The following ROPN1L variants were observed in gnomAD, a reference collection of about 807,000 sequenced individuals.
ROPN1L encodes the protein ropporin-1-like protein.
Under a neutral mutation model 22.7 loss-of-function variants are expected in ROPN1L, and 23 were observed. That is an observed-to-expected ratio of 1.01 (90% CI 0.73 to 1.43). ROPN1L has a LOEUF of 1.43. ROPN1L is among the 40% of genes most tolerant of loss of function. ROPN1L has a pLI of 0.00. For missense variants in ROPN1L, 271 were observed against 291.5 expected (o/e 0.93, Z 0.51); for synonymous variants, 116 against 117.8 (o/e 0.98, Z 0.10).
chr5:10,444,685 G>A (rs1183283584), intron 1 of ROPN1L, among the ~76,000 whole-genome samples: 2 of 150,582 alleles, frequency 1.3e-5, no homozygotes, highest in South Asian at 2.1e-4. Context: ...AATCACCTGA[G>A]GTCAGGAGTT....
At chr5:10,449,862 G>T (rs142163895) in intron 2 of ROPN1L, 90 bp from the exon 3 acceptor site, 3 of 1,120,772 alleles carry the variant, frequency 2.7e-6, no homozygotes, top group African/African-American at 1.6e-5. Context: ...CATGGGGCGG[G>T]TTACTTGGTG....
intron 4 of ROPN1L, among the ~76,000 whole-genome samples, chr5:10,462,016 G>GTT (rs530907041): frequency 1.4e-3 from 220 of 152,164 alleles, no homozygotes; most frequent in African/African-American, 5.1e-3. Context: ...TCCTTTTAGG[G>GTT]TTTCTTTTTC....
chr5:10,460,407 A>C (rs1734996982), intron 3 of ROPN1L, among the ~76,000 whole-genome samples: 1 of 152,172 alleles, frequency 6.6e-6, no homozygotes, highest in African/African-American at 2.4e-5. Context: ...CATGAAGACG[A>C]CCTTGGCCTG....
chr5:10,470,007 G>A (rs552667790), downstream of ROPN1L, among the ~76,000 whole-genome samples: 1 of 152,124 alleles, frequency 6.6e-6, no homozygotes, highest in Non-Finnish European at 1.5e-5. Flanking sequence ...CTTACAAATC[G>A]TTTTCAAATG....
downstream of ROPN1L, among the ~76,000 whole-genome samples, chr5:10,466,983 T>C (rs2126476913): frequency 6.6e-6 from 1 of 152,254 alleles, no homozygotes; most frequent in Admixed American, 6.5e-5. Context: ...TTCCTCTTCT[T>C]ATTAGAACAC....
chr5:10,462,218 C>G (rs1735045716), intron 4 of ROPN1L, among the ~76,000 whole-genome samples: 1 of 152,240 alleles, frequency 6.6e-6, no homozygotes, highest in Non-Finnish European at 1.5e-5. Flanking sequence ...AGAAAGAACT[C>G]ACTTTGGAGA....
intron 3 of ROPN1L, among the ~76,000 whole-genome samples, chr5:10,460,627 A>T (rs1285019166): frequency 6.6e-6 from 1 of 152,218 alleles, no homozygotes; most frequent in African/African-American, 2.4e-5. Flanking sequence ...TCTGGAGCTG[A>T]GACAGAGCCC....
In ROPN1L at chr5:10,460,952, A is replaced by G. The variant is rs150237498; in HGVS notation, c.418-232A>G. ...CATTTCTATTTTAATAGAAAATAAG[A>G]TCTGTGAATTAGAATTTTTTCCTGG... On this transcript the variant is annotated intron_variant, in intron 3 of 4. Transcript: ENST00000274134. 5.3e-5 allele frequency among the ~76,000 whole-genome samples: 8 copies of G among 152,326 alleles called. No homozygotes were observed. The East Asian group carries it at 1.3e-3, about 26-fold the overall frequency.
intron 4 of ROPN1L, among the ~76,000 whole-genome samples, chr5:10,470,803 G>A (rs961154700): frequency 4.6e-5 from 7 of 152,362 alleles, no homozygotes; most frequent in African/African-American, 1.2e-4. Context: ...CCTCGGGGCC[G>A]GAAGGACATT....
chr5:10,449,821 T>C (rs1387489496), intron 2 of ROPN1L, 131 bp from the exon 3 acceptor site: 5 of 678,342 alleles, frequency 7.4e-6, no homozygotes, highest in Non-Finnish European at 1.2e-5. Context: ...CAGAACCCCC[T>C]GTCATGCATT....
chr5:10,467,468 T>C (rs1735173935), downstream of ROPN1L, among the ~76,000 whole-genome samples: 2 of 151,816 alleles, frequency 1.3e-5, no homozygotes, highest in Non-Finnish European at 2.9e-5. Context: ...TCTCCAAGGG[T>C]GATTTCCAGG....
At chr5:10,470,492 C>T (rs1561181646) in intron 4 of ROPN1L, among the ~76,000 whole-genome samples, 1 of 152,240 alleles carries the variant, frequency 6.6e-6, no homozygotes, top group Non-Finnish European at 1.5e-5. Flanking sequence ...CCGTATCTGT[C>T]CCATTTCCCC....
chr5:10,476,327 G>C (rs1735317497), downstream of ROPN1L, among the ~76,000 whole-genome samples: 1 of 152,174 alleles, frequency 6.6e-6, no homozygotes, highest in Non-Finnish European at 1.5e-5. Flanking sequence ...AAACATCTCT[G>C]GCAAGGTGGG....
chr5:10,472,287 C>T (rs1203008006), downstream of ROPN1L, among the ~76,000 whole-genome samples: 1 of 151,898 alleles, frequency 6.6e-6, no homozygotes, highest in Non-Finnish European at 1.5e-5. Flanking sequence ...TTAAGTCCAC[C>T]CATCAACCAA....
At chr5:10,446,520 G>T (rs1741069491) in intron 1 of ROPN1L, among the ~76,000 whole-genome samples, 1 of 152,160 alleles carries the variant, frequency 6.6e-6, no homozygotes. Flanking sequence ...AATCAGCTGG[G>T]CTTGGTGATG....
intron 1 of ROPN1L, 127 bp from the exon 2 acceptor site, chr5:10,448,133 C>A: frequency 9.5e-7 from 1 of 1,047,800 alleles, no homozygotes; most frequent in Non-Finnish European, 1.4e-6. Flanking sequence ...GGACATAAGC[C>A]CGGGATGTTG....
At chr5:10,472,542 G>T (rs1345575011), downstream of ROPN1L, among the ~76,000 whole-genome samples, 1 of 152,186 alleles carries the variant, frequency 6.6e-6, no homozygotes, top group Non-Finnish European at 1.5e-5. Context: ...TATGGGTCTA[G>T]AGTTGTAGGT....
At chr5:10,458,563 G>A (rs1442544920) in intron 3 of ROPN1L, among the ~76,000 whole-genome samples, 1 of 48,656 alleles carries the variant, frequency 2.1e-5, no homozygotes, top group African/African-American at 9.4e-5. Flanking sequence ...TCCCCCCCAT[G>A]TACACCATCC....
intron 1 of ROPN1L, among the ~76,000 whole-genome samples, chr5:10,445,759 G>A (rs1392145237): frequency 2.0e-5 from 3 of 152,036 alleles, no homozygotes; most frequent in African/African-American, 7.2e-5. Flanking sequence ...GACCTTGTCT[G>A]TACTAAAAAT....
Sources: allele counts gnomAD v4.1 joint callset (sites outside exome capture counted in the v4.1 genomes callset), GRCh38; gene constraint gnomAD v4.1.1; transcripts MANE v1.5; gene names NCBI Gene and HGNC (gene_info 2026-07-23, HGNC 2026-07-21).